Variants in FARS2 observed in about 807,000 individuals in gnomAD.
FARS2 encodes phenylalanyl-tRNA synthetase 2, mitochondrial.
In FARS2, 40 loss-of-function variants were observed where a neutral mutation model predicts 46.4. The observed-to-expected ratio is 0.86, with a 90% CI of 0.67 to 1.12. The LOEUF (loss-of-function observed/expected upper bound fraction) is 1.12. Among genes scored for constraint, FARS2 ranks in the 50% most tolerant of loss-of-function variants. FARS2 has a pLI of 0.00. For synonymous variants in FARS2, 234 were observed against 214.9 expected, an observed-to-expected ratio of 1.09 and a Z score of -0.78; for missense variants, 513 against 567.9, an observed-to-expected ratio of 0.90 and a Z score of 0.98.
intron 6 of FARS2, among the ~76,000 whole-genome samples, chr6:5,713,194 G>A (rs549482489): frequency 6.6e-6 from 1 of 152,320 alleles, no homozygotes; most frequent in South Asian, 2.1e-4. Context: ...AGGGAAGAAG[G>A]CAAGTTATAC....
intron 6 of FARS2, among the ~76,000 whole-genome samples, chr6:5,744,828 T>C (rs919124344): frequency 2.0e-5 from 3 of 152,186 alleles, no homozygotes; most frequent in East Asian, 3.8e-4. Flanking sequence ...TGGCTAGATA[T>C]AACACACATG....
chr6:5,479,019 A>G (rs1766286952), intron 4 of FARS2, among the ~76,000 whole-genome samples: 1 of 152,228 alleles, frequency 6.6e-6, no homozygotes, highest in African/African-American at 2.4e-5. Context: ...AGTATGTAAA[A>G]GCAATTAGTT....
intron 4 of FARS2, among the ~76,000 whole-genome samples, chr6:5,483,115 T>C (rs1766569719): frequency 6.6e-6 from 1 of 152,176 alleles, no homozygotes; most frequent in Admixed American, 6.5e-5. Context: ...TGGGAGCTGG[T>C]GGATAGATAC....
At chr6:5,608,574 C>T (rs955879717) in intron 5 of FARS2, among the ~76,000 whole-genome samples, 1 of 152,108 alleles carries the variant, frequency 6.6e-6, no homozygotes, top group Non-Finnish European at 1.5e-5. Flanking sequence ...ACACAAACTT[C>T]ATTTCCATCT....
chr6:5,530,387 A>G (rs1020910556), intron 4 of FARS2, among the ~76,000 whole-genome samples: 1 of 152,184 alleles, frequency 6.6e-6, no homozygotes. Context: ...TGTAAGTACA[A>G]TATGTGATCC....
intron 6 of FARS2, chr6:5,695,054 C>T (rs1266591970): frequency 1.3e-5 from 2 of 152,164 alleles, no homozygotes; most frequent in African/African-American, 4.8e-5. Context: ...TAAGCTTTTA[C>T]ACTTGTATTT....
At position 5,368,816 on chromosome 6, in the gene FARS2, G is replaced by C. The variant is rs1758844334; in HGVS notation, c.246G>C (p.Gln82His). 6.2e-7 allele frequency: 1 copy of C among 1,614,158 alleles called. No individual in the cohort carries two copies. The highest frequency in any genetic ancestry group is 8.5e-7 in the Non-Finnish European group (1 of 1,180,034). Reference sequence around the variant, plus strand: ...TTGGCAGGAACCTGCACAACCAGCAGCATCACCCTCTGTGGCTGATCAAGG... The same window carrying C: ...TTGGCAGGAACCTGCACAACCAGCACCATCACCCTCTGTGGCTGATCAAGG... ...TRVGRNLHNQ[Q>H]HHPLWLIKER... is the part of the protein sequence containing the mutation. Residue 82 changes from glutamine to histidine, a missense_variant, in exon 2 of 7, where the codon CAG becomes CAC. Gln to His is a conservative substitution (Grantham distance 24). Transcript: ENST00000274680.
At chr6:5,687,140 T>A (rs142790488) in intron 6 of FARS2, among the ~76,000 whole-genome samples, 6,058 of 152,286 alleles carry the variant, frequency 0.04, 153 homozygotes, top group African/African-American at 0.067. Context: ...TTCTCCCATT[T>A]TGTAGGTTGC....
At chr6:5,741,162 C>A (rs1398341528) in intron 6 of FARS2, among the ~76,000 whole-genome samples, 1 of 152,178 alleles carries the variant, frequency 6.6e-6, no homozygotes, top group Admixed American at 6.5e-5. Flanking sequence ...CCTGTTAAAA[C>A]CAACAGTCAC....
intron 6 of FARS2, among the ~76,000 whole-genome samples, chr6:5,710,773 G>A (rs1045581612): frequency 6.6e-6 from 1 of 152,208 alleles, no homozygotes; most frequent in Admixed American, 6.5e-5. Flanking sequence ...ATCGATATAT[G>A]GGTGAGCATA....
intron 4 of FARS2, chr6:5,431,815 A>C (rs1228842358): frequency 2.4e-6 from 1 of 423,440 alleles, no homozygotes. Context: ...ATGTAATTTC[A>C]GAGCTGTGAG....
intron 1 of FARS2, among the ~76,000 whole-genome samples, chr6:5,273,798 G>A (rs1766137774): frequency 6.6e-6 from 1 of 152,134 alleles, no homozygotes; most frequent in South Asian, 2.1e-4. Flanking sequence ...TAGTTTCATA[G>A]TTTCAGGTCT....
rs751257639 is a variant in FARS2, at chr6:5,375,678, A to G, written c.612+6496A>G. Among the ~76,000 whole-genome samples the G allele has an allele frequency of 3.3e-5, 5 of 152,090 alleles. No homozygotes were observed. In the South Asian group the frequency reaches 1.0e-3, roughly 31 times the overall value. ...GAGAACATTGCAACAGCTCTACTTC[A>G]TATTTGAGAACTTATGAAATATAAG... is the stretch of plus-strand genomic sequence containing the variant. On this transcript the variant is annotated intron_variant, in intron 2 of 6. Coordinates refer to ENST00000274680, the MANE Select transcript of FARS2 (RefSeq NM_006567.5).
the FARS2 span, among the ~76,000 whole-genome samples, chr6:5,255,088 TC>T: frequency 6.6e-6 from 1 of 152,094 alleles, no homozygotes; most frequent in Admixed American, 6.5e-5. Context: ...ACAGCTACCT[TC>T]CCCAAACATA....
At position 5,472,399 on chromosome 6, in the gene FARS2, G is replaced by A. The variant is rs574054031; in HGVS notation, c.904+41227G>A. 1.2e-3 allele frequency among the ~76,000 whole-genome samples: 189 copies of A among 152,252 alleles called. 1 individual carries two copies. Among genetic ancestry groups the A allele is most frequent in the Middle Eastern group, 3.4e-3 (1 of 294 alleles). Reference sequence around the variant, plus strand: ...TCCTGCAGGTTTATCCACCAAGGAGGGTGCCCTAGGGGTGAGAGCAAAGGG... The same window carrying A: ...TCCTGCAGGTTTATCCACCAAGGAGAGTGCCCTAGGGGTGAGAGCAAAGGG... On this transcript the variant is annotated intron_variant, in intron 4 of 6. Transcript: ENST00000274680.
chr6:5,562,615 C>G (rs1186695355), intron 5 of FARS2, among the ~76,000 whole-genome samples: 1 of 151,800 alleles, frequency 6.6e-6, no homozygotes, highest in East Asian at 1.9e-4. Context: ...TGGCACAGCC[C>G]ATTCCCACAG....
chr6:5,412,876 G>A (rs746571658), intron 3 of FARS2, among the ~76,000 whole-genome samples: 6 of 152,250 alleles, frequency 3.9e-5, no homozygotes, highest in Non-Finnish European at 7.4e-5. Context: ...TGACTTGTCT[G>A]TACTCGCCTC....
rs1561699372 is a variant in FARS2, at chr6:5,542,506, A to C, written c.905-2674A>C. On this transcript the variant is annotated intron_variant, in intron 4 of 6. Transcript: ENST00000274680. ...TCTGTTTCATGTTTTGGGTTGGATA[A>C]TTCTTTGTGGTGGGAAACCATTCCG... Among the ~76,000 whole-genome samples, 3 of 152,058 alleles carry C rather than the reference A, an allele frequency of 2.0e-5. No homozygotes were observed. The East Asian group carries it at 5.8e-4, about 29-fold the overall frequency.
At chr6:5,266,585 G>A (rs1340498279) in intron 1 of FARS2, among the ~76,000 whole-genome samples, 1 of 152,170 alleles carries the variant, frequency 6.6e-6, no homozygotes, top group African/African-American at 2.4e-5. Context: ...AGCTAGTGTG[G>A]ACCTTGGCCT....
Sources: allele counts gnomAD v4.1 joint callset (sites outside exome capture counted in the v4.1 genomes callset), GRCh38; gene constraint gnomAD v4.1.1; transcripts MANE v1.5; gene names NCBI Gene and HGNC (gene_info 2026-07-23, HGNC 2026-07-21).